Variants in LRRTM4 observed in about 807,000 individuals in gnomAD.
LRRTM4 encodes the protein leucine-rich repeat transmembrane neuronal protein 4.
In LRRTM4, 25 loss-of-function variants were observed where a neutral mutation model predicts 47.6. The observed-to-expected ratio is 0.53, with a 90% confidence interval of 0.38 to 0.73. The LOEUF (loss-of-function observed/expected upper bound fraction) is 0.73, where lower values mean the gene tolerates loss of function less well. Among genes scored for constraint, LRRTM4 ranks in the 30% least tolerant of loss-of-function variants. The pLI, the probability that LRRTM4 is intolerant of heterozygous loss-of-function variation, is 0.00. For missense variants in LRRTM4, 638 were observed against 713.4 expected, an observed-to-expected ratio of 0.89 and a Z score of 1.20; for synonymous variants, 311 against 269.5, an observed-to-expected ratio of 1.15 and a Z score of -1.51.
At chr2:77,499,335 A>G (rs886862255) in intron 3 of LRRTM4, among the ~76,000 whole-genome samples, 5 of 151,916 alleles carry the variant, frequency 3.3e-5, no homozygotes, top group African/African-American at 1.2e-4. Context: ...GGTTTTGTCC[A>G]GAAATGTGTC....
chr2:77,141,726 T>C (rs1173160571), intron 3 of LRRTM4, among the ~76,000 whole-genome samples: 2 of 152,318 alleles, frequency 1.3e-5, no homozygotes, highest in East Asian at 3.9e-4. Flanking sequence ...AACCATGACA[T>C]TTGTTACTGG....
chr2:77,181,715 C>T (rs770973587), intron 3 of LRRTM4, among the ~76,000 whole-genome samples: 1 of 151,986 alleles, frequency 6.6e-6, no homozygotes, highest in Non-Finnish European at 1.5e-5. Context: ...TTCTCCCTAT[C>T]TTAACTAATA....
chr2:77,429,738 G>A (rs1335216431), intron 3 of LRRTM4, among the ~76,000 whole-genome samples: 2 of 152,106 alleles, frequency 1.3e-5, no homozygotes, highest in African/African-American at 4.8e-5. Flanking sequence ...ATTGATCAAA[G>A]GATATAAAAT....
rs187441129 is a variant in LRRTM4 at position 77,274,826 on chromosome 2, C to G, written c.1551+243492G>C. On this transcript the variant is annotated intron_variant, in intron 3 of 3. Coordinates refer to ENST00000409884, the MANE Select transcript of LRRTM4 (RefSeq NM_001134745.3). Reference sequence around the variant, plus strand: ...AACTTTCATTAGGGTCTCCCTCCTTCCAAAAATTTCAAAAACCAGATATTT... The same window carrying G: ...AACTTTCATTAGGGTCTCCCTCCTTGCAAAAATTTCAAAAACCAGATATTT... Among the ~76,000 whole-genome samples, 34 of 151,866 alleles carry G rather than the reference C, an allele frequency of 2.2e-4. No individual in the cohort carries two copies. The East Asian group carries it at 6.0e-3, about 27-fold the overall frequency.
chr2:76,791,666 ATTTCAGTAC>A (rs1452160001), intron 3 of LRRTM4, among the ~76,000 whole-genome samples: 1 of 152,310 alleles, frequency 6.6e-6, no homozygotes, highest in East Asian at 1.9e-4. Context: ...GTTAAAGACA[ATTTCAGTAC>A]TTATTATAAC....
intron 3 of LRRTM4, among the ~76,000 whole-genome samples, chr2:77,407,622 T>G (rs1265734044): frequency 9.4e-5 from 13 of 137,568 alleles, no homozygotes; most frequent in Non-Finnish European, 1.5e-4. Context: ...TATAATATAA[T>G]ATATGATATA....
intron 3 of LRRTM4, among the ~76,000 whole-genome samples, chr2:76,904,592 A>G (rs1020437270): frequency 1.3e-5 from 2 of 152,200 alleles, no homozygotes; most frequent in Admixed American, 1.3e-4. Flanking sequence ...GAAAATCTTT[A>G]GAACTCTAAA....
intron 3 of LRRTM4, among the ~76,000 whole-genome samples, chr2:77,454,256 C>T (rs895544049): frequency 6.6e-6 from 1 of 152,092 alleles, no homozygotes; most frequent in African/African-American, 2.4e-5. Flanking sequence ...TTAATGAACA[C>T]CCGTATTTTA....
intron 3 of LRRTM4, among the ~76,000 whole-genome samples, chr2:76,960,444 A>C (rs1323562027): frequency 6.6e-6 from 1 of 151,688 alleles, no homozygotes; most frequent in Admixed American, 6.6e-5. Context: ...TTTCTATATA[A>C]AGGAACATTA....
At chr2:76,901,589 T>G (rs1178196316) in intron 3 of LRRTM4, among the ~76,000 whole-genome samples, 2 of 152,060 alleles carry the variant, frequency 1.3e-5, no homozygotes, top group Non-Finnish European at 2.9e-5. Flanking sequence ...CTCTAAGCAC[T>G]GTAAAAAAAA....
chr2:77,056,031 G>A (rs1679594006), intron 3 of LRRTM4, among the ~76,000 whole-genome samples: 1 of 128,676 alleles, frequency 7.8e-6, no homozygotes, highest in Admixed American at 9.3e-5. Context: ...CACACTCTGG[G>A]GACTGTTGTG....
At chr2:76,996,805 A>T (rs1425668934) in intron 3 of LRRTM4, among the ~76,000 whole-genome samples, 1 of 152,170 alleles carries the variant, frequency 6.6e-6, no homozygotes, top group Non-Finnish European at 1.5e-5. Flanking sequence ...TATAGAAAAC[A>T]AAATTACATA....
chr2:76,798,851 A>G (rs1277910947), intron 3 of LRRTM4, among the ~76,000 whole-genome samples: 1 of 152,228 alleles, frequency 6.6e-6, no homozygotes, highest in Non-Finnish European at 1.5e-5. Flanking sequence ...GAAAATCTAC[A>G]AGAAATGGAT....
At chr2:77,512,357 G>A (rs1679052826) in intron 3 of LRRTM4, among the ~76,000 whole-genome samples, 1 of 152,052 alleles carries the variant, frequency 6.6e-6, no homozygotes. Flanking sequence ...AATGGCTTAT[G>A]GAGTGCATGA....
intron 3 of LRRTM4, among the ~76,000 whole-genome samples, chr2:76,843,166 G>A (rs1671737157): frequency 6.6e-6 from 1 of 152,088 alleles, no homozygotes; most frequent in African/African-American, 2.4e-5. Context: ...ATTTGAGTGA[G>A]GAGAAGTAGA....
chr2:77,251,015 A>G (rs1675588924), intron 3 of LRRTM4, among the ~76,000 whole-genome samples: 1 of 151,906 alleles, frequency 6.6e-6, no homozygotes, highest in African/African-American at 2.4e-5. Flanking sequence ...AGGCAGGAGA[A>G]TCCCTTGAAC....
chr2:77,049,369 C>T (rs1573500085), intron 3 of LRRTM4, among the ~76,000 whole-genome samples: 1 of 151,444 alleles, frequency 6.6e-6, no homozygotes, highest in African/African-American at 2.4e-5. Flanking sequence ...TTTGAGGAAC[C>T]TCCATACTGC....
At chr2:76,925,486 A>T (rs188317869) in intron 3 of LRRTM4, among the ~76,000 whole-genome samples, 8 of 152,266 alleles carry the variant, frequency 5.3e-5, no homozygotes, top group Admixed American at 2.6e-4. Flanking sequence ...TTCAAGATAA[A>T]AAATGAGTGT....
At chr2:77,059,448 A>C (rs933155216) in intron 3 of LRRTM4, among the ~76,000 whole-genome samples, 1 of 150,104 alleles carries the variant, frequency 6.7e-6, no homozygotes, top group Non-Finnish European at 1.5e-5. Flanking sequence ...GTAATGGCTT[A>C]TATTTGGCCT....
Sources: allele counts gnomAD v4.1 joint callset (sites outside exome capture counted in the v4.1 genomes callset), GRCh38; gene constraint gnomAD v4.1.1; transcripts MANE v1.5; gene names NCBI Gene and HGNC (gene_info 2026-07-23, HGNC 2026-07-21).